Variants in FLT1 observed in about 807,000 individuals in gnomAD.
The protein encoded by FLT1 is vascular endothelial growth factor receptor 1.
FLT1 carries 49 observed loss-of-function variants against 156.3 expected under a neutral mutation model. The ratio of observed to expected loss-of-function variants is 0.31; its 90% CI spans 0.25 to 0.40. FLT1 has a LOEUF of 0.40. Ranked by LOEUF, FLT1 falls within the 10% of genes least tolerant of loss-of-function variation. The pLI is 1.00. For missense variants in FLT1, 1,322 were observed against 1,637.2 expected (o/e 0.81, Z 3.32); for synonymous variants, 594 against 583.8 (o/e 1.02, Z -0.25).
chr13:28,475,096 T>C (rs796983966), intron 1 of FLT1, among the ~76,000 whole-genome samples: 2 of 152,188 alleles, frequency 1.3e-5, no homozygotes, highest in Non-Finnish European at 2.9e-5. Context: ...TAGTAGAAGT[T>C]TACAAACATG....
intron 10 of FLT1, 144 bp downstream of exon 10, chr13:28,427,015 C>T (rs1877381170): frequency 1.3e-6 from 1 of 769,136 alleles, no homozygotes; most frequent in African/African-American, 1.7e-5. Flanking sequence ...AGCTGTTGCC[C>T]ACCTTTTTCC....
intron 10 of FLT1, among the ~76,000 whole-genome samples, chr13:28,423,337 T>C (rs1877129444): frequency 6.6e-6 from 1 of 152,204 alleles, no homozygotes; most frequent in African/African-American, 2.4e-5. Flanking sequence ...CTAACTCTTC[T>C]GTAGTTCCTT....
chr13:28,306,359 C>T (rs905466355), intron 29 of FLT1, among the ~76,000 whole-genome samples: 4 of 152,084 alleles, frequency 2.6e-5, no homozygotes, highest in Admixed American at 2.0e-4. Context: ...CTCCCACCGC[C>T]GGGAGCGTGT....
rs117045257 is a variant in FLT1, at chr13:28,328,726, G to A, written c.2707+889C>T. Among the ~76,000 whole-genome samples the A allele has an allele frequency of 9.0e-3, 1,365 of 152,322 alleles. 11 individuals carry two copies. The highest frequency in any genetic ancestry group is 0.02 in the Middle Eastern group (6 of 294). On this transcript the variant is annotated intron_variant, in intron 19 of 29. Coordinates refer to ENST00000282397, the MANE Select transcript of FLT1 (RefSeq NM_002019.4). The stretch of plus-strand genomic sequence containing the variant: ...GGGGTCCAGCCACCGTCCTCAGAGG[G>A]GCTTCCATGCTGGCGCCCAGCTGCA...
rs374312464 is a variant in FLT1, at chr13:28,321,423, T to A, written c.3174+40A>T. 112 of 1,608,998 alleles carry A rather than the reference T, an allele frequency of 7.0e-5. 1 individual carries two copies. In the South Asian group the frequency reaches 1.1e-3, roughly 16 times the overall value. On this transcript the variant is annotated intron_variant, in intron 23 of 29. Coordinates refer to ENST00000282397, the MANE Select transcript of FLT1 (RefSeq NM_002019.4). ...TACCAAGTCTGTGGTTTAAAAGTGATAGGACACACATGAGTCAAATAAACA... is the reference window on the plus strand; with the variant it reads ...TACCAAGTCTGTGGTTTAAAAGTGAAAGGACACACATGAGTCAAATAAACA...
chr13:28,383,303 C>A (rs1470533864), intron 14 of FLT1, among the ~76,000 whole-genome samples: 2 of 152,090 alleles, frequency 1.3e-5, no homozygotes, highest in Non-Finnish European at 2.9e-5. Context: ...AACCAAAGAA[C>A]TTTTCACGCA....
chr13:28,396,696 G>A, intron 12 of FLT1: 1 of 574,082 alleles, frequency 1.7e-6, no homozygotes, highest in Non-Finnish European at 3.2e-6. Flanking sequence ...GAAAAAATGA[G>A]CATACAAGAT....
intron 13 of FLT1, chr13:28,386,994 T>C (rs1593732345): frequency 9.6e-7 from 1 of 1,040,670 alleles, no homozygotes; most frequent in African/African-American, 1.7e-5. Context: ...ACTAAAATTG[T>C]TTTTCTAGCT....
chr13:28,361,502 A>G (rs949490537), intron 14 of FLT1, among the ~76,000 whole-genome samples: 3 of 152,100 alleles, frequency 2.0e-5, no homozygotes, highest in Admixed American at 2.0e-4. Context: ...TACAAATTCT[A>G]GTTTTGGAGA....
At chr13:28,461,136 C>CT (rs201568374) in intron 3 of FLT1, among the ~76,000 whole-genome samples, 152 of 145,146 alleles carry the variant, frequency 1.0e-3, no homozygotes, top group Admixed American at 3.3e-3. Flanking sequence ...CAGCTCCTAG[C>CT]TTTTTTTTTT....
At chr13:28,389,428 GT>G in intron 13 of FLT1, 1 of 1,285,500 alleles carries the variant, frequency 7.8e-7, no homozygotes, top group Middle Eastern at 3.0e-4. Context: ...ATCCCAAGTT[GT>G]TGTTTATCAG....
chr13:28,365,804 A>G (rs752716266), intron 14 of FLT1, among the ~76,000 whole-genome samples: 6 of 152,222 alleles, frequency 3.9e-5, no homozygotes, highest in African/African-American at 1.2e-4. Context: ...AGATTCTTTA[A>G]CCACTGAAGC....
chr13:28,319,405 T>C lies in FLT1; in HGVS notation c.3286+18A>G. 1 of 1,510,266 alleles carries C rather than the reference T, an allele frequency of 6.6e-7. No individual in the cohort carries two copies. The highest frequency in any genetic ancestry group is 1.4e-5 in the African/African-American group (1 of 72,862). The allele number at this position is 1,510,266 out of a possible 1,614,324, so 93.6% of individuals were successfully genotyped here. ...TTTATTTCTGGGCTGTTTGATTTCT[T>C]CCTTCTCCCAAATTTACCTAAGGAG... On this transcript the variant is annotated intron_variant, in intron 24 of 29. Transcript: ENST00000282397.
rs548204510 is a variant in FLT1, at chr13:28,319,860, A to G, written c.3175-326T>C. Among the ~76,000 whole-genome samples the G allele has an allele frequency of 4.6e-5, 7 of 152,306 alleles. No individual in the cohort carries two copies. The South Asian group carries it at 1.5e-3, about 32-fold the overall frequency. ...CCACAGGGACACACTCAGGGCTTGGAAAAGGAAAAGAGTGATCTGAATTTG... is the reference window on the plus strand; with the variant it reads ...CCACAGGGACACACTCAGGGCTTGGGAAAGGAAAAGAGTGATCTGAATTTG... On this transcript the variant is annotated intron_variant, in intron 23 of 29. Coordinates refer to ENST00000282397, the MANE Select transcript of FLT1 (RefSeq NM_002019.4).
chr13:28,357,701 T>C lies in FLT1; in HGVS notation c.2117-16A>G. 4.3e-6 allele frequency: 7 copies of C among 1,611,768 alleles called. No individual in the cohort carries two copies. The highest frequency in any genetic ancestry group is 5.9e-6 in the Non-Finnish European group (7 of 1,178,216). ...AAAATAATTCCTGAGGGGTGAGAGA[T>C]GTTTAGATTAGTGGGCCTGGATGAC... On this transcript the variant is annotated splice_polypyrimidine_tract_variant and intron_variant, in intron 14 of 29. Transcript: ENST00000282397.
chr13:28,494,271 G>T (rs1383812105), intron 1 of FLT1, among the ~76,000 whole-genome samples: 1 of 152,212 alleles, frequency 6.6e-6, no homozygotes, highest in African/African-American at 2.4e-5. Context: ...CTCTCGTGAC[G>T]CGAGGTCGCG....
chr13:28,357,771 T>C (rs1194657871), intron 14 of FLT1, 86 bp from the exon 15 acceptor site: 9 of 1,263,420 alleles, frequency 7.1e-6, no homozygotes, highest in Non-Finnish European at 1.0e-5. Flanking sequence ...CTTCCTATCA[T>C]TATGCATTCA....
chr13:28,358,090 T>C (rs1347519926), intron 14 of FLT1, among the ~76,000 whole-genome samples: 1 of 152,188 alleles, frequency 6.6e-6, no homozygotes, highest in Non-Finnish European at 1.5e-5. Context: ...CGGCACTATG[T>C]GACACACTTT....
intron 16 of FLT1, 87 bp from the exon 17 acceptor site, chr13:28,339,387 G>C: frequency 7.0e-7 from 1 of 1,436,912 alleles, no homozygotes; most frequent in Non-Finnish European, 9.6e-7. Context: ...TGTTTTATTT[G>C]GGATCATTTG....
Sources: gnomAD v4.1 joint callset for allele counts (sites outside exome capture counted in the v4.1 genomes callset) on GRCh38, gnomAD v4.1.1 for gene constraint, MANE v1.5 for transcripts, NCBI Gene and HGNC (gene_info 2026-07-23, HGNC 2026-07-21) for gene names.